XIRP2: variants seen among roughly 807,000 people sequenced by gnomAD.
XIRP2 encodes xin actin binding repeat containing 2, also known as xin actin-binding repeat-containing protein 2.
Under a neutral mutation model 277.0 loss-of-function variants are expected in XIRP2, and 236 were observed. The ratio of observed to expected loss-of-function variants is 0.85; its 90% CI spans 0.77 to 0.95. The LOEUF is 0.95. XIRP2 is among the 40% of genes least tolerant of loss of function. The pLI, the probability that XIRP2 is intolerant of heterozygous loss-of-function variation, is 0.00. For missense variants in XIRP2, 4,640 were observed against 4,157.5 expected (o/e 1.12, Z -3.19); for synonymous variants, 1,490 against 1,416.5 (o/e 1.05, Z -1.17).
intron 2 of XIRP2, among the ~76,000 whole-genome samples, chr2:167,065,405 G>T (rs1212608339): frequency 6.6e-6 from 1 of 151,654 alleles, no homozygotes; most frequent in Non-Finnish European, 1.5e-5. Context: ...ATATATACTG[G>T]ATATTAACCC....
At chr2:167,049,658 C>T (rs1688869980) in intron 2 of XIRP2, among the ~76,000 whole-genome samples, 1 of 151,954 alleles carries the variant, frequency 6.6e-6, no homozygotes, top group South Asian at 2.1e-4. Flanking sequence ...TTTTCACATC[C>T]ACGATGAAGA....
intron 2 of XIRP2, among the ~76,000 whole-genome samples, chr2:167,131,373 A>T (rs1021025587): frequency 2.6e-5 from 4 of 152,078 alleles, no homozygotes; most frequent in African/African-American, 9.7e-5. Flanking sequence ...TCTTCCTTTA[A>T]AACAAACAAA....
In XIRP2 at chr2:167,259,154, T is replaced by G; in HGVS notation, c.*1337T>G. 1 of 1,613,032 alleles carries G rather than the reference T, an allele frequency of 6.2e-7. No individual in the cohort carries two copies. On this transcript the variant is annotated 3_prime_UTR_variant, in exon 11 of 11. Coordinates refer to ENST00000409195, the MANE Select transcript of XIRP2 (RefSeq NM_152381.6). Reference sequence around the variant, plus strand: ...TGTAGATCAAATTAAAAATATGCCATGCTTGGATTTAAGGGAATTTGGAAA... The same window carrying G: ...TGTAGATCAAATTAAAAATATGCCAGGCTTGGATTTAAGGGAATTTGGAAA...
chr2:167,222,031 G>T (rs552638978), intron 5 of XIRP2, among the ~76,000 whole-genome samples: 1 of 152,142 alleles, frequency 6.6e-6, no homozygotes, highest in Non-Finnish European at 1.5e-5. Flanking sequence ...GTAACAGTTT[G>T]TCTGGGAGAT....
chr2:167,133,291 G>T (rs566146541), intron 2 of XIRP2, among the ~76,000 whole-genome samples: 1 of 152,322 alleles, frequency 6.6e-6, no homozygotes, highest in South Asian at 2.1e-4. Flanking sequence ...ATTGGAGACA[G>T]CTCAATTCAG....
chr2:166,971,672 A>G (rs955939387), intron 2 of XIRP2, among the ~76,000 whole-genome samples: 1 of 152,160 alleles, frequency 6.6e-6, no homozygotes, highest in Non-Finnish European at 1.5e-5. Flanking sequence ...AAGTCACTCT[A>G]CAAAATCAGA....
chr2:167,087,674 C>T (rs182624871), intron 2 of XIRP2, among the ~76,000 whole-genome samples: 13 of 152,330 alleles, frequency 8.5e-5, no homozygotes, highest in Admixed American at 3.9e-4. Flanking sequence ...GTCGGAAAAG[C>T]GCAGTATTTG....
chr2:166,896,926 C>T (rs1190087000), intron 1 of XIRP2, among the ~76,000 whole-genome samples: 1 of 152,080 alleles, frequency 6.6e-6, no homozygotes, highest in African/African-American at 2.4e-5. Flanking sequence ...TGTTATACTG[C>T]CTGCAGCATT....
intron 2 of XIRP2, among the ~76,000 whole-genome samples, chr2:167,099,693 A>G (rs1452874247): frequency 2.0e-5 from 3 of 152,122 alleles, no homozygotes; most frequent in Non-Finnish European, 4.4e-5. Flanking sequence ...GGAAAAGCAT[A>G]GTATCTGGGC....
intron 2 of XIRP2, among the ~76,000 whole-genome samples, chr2:167,121,344 A>G (rs1691051367): frequency 6.6e-6 from 1 of 152,166 alleles, no homozygotes; most frequent in African/African-American, 2.4e-5. Context: ...TAGATCATTC[A>G]TGCCACTCTA....
chr2:167,099,488 T>G (rs1690427980), intron 2 of XIRP2, among the ~76,000 whole-genome samples: 1 of 152,182 alleles, frequency 6.6e-6, no homozygotes, highest in Non-Finnish European at 1.5e-5. Flanking sequence ...CCTGGCTCCC[T>G]GGCTTCAGCC....
At chr2:167,208,325 G>A (rs995159416) in intron 3 of XIRP2, among the ~76,000 whole-genome samples, 8 of 151,658 alleles carry the variant, frequency 5.3e-5, no homozygotes, top group Non-Finnish European at 7.4e-5. Flanking sequence ...TTTTGAGACG[G>A]AGACGGAGTC....
chr2:166,913,993 A>G (rs554159098), intron 2 of XIRP2, among the ~76,000 whole-genome samples: 2 of 152,352 alleles, frequency 1.3e-5, no homozygotes, highest in East Asian at 1.9e-4. Flanking sequence ...TCTACTCCCC[A>G]GAGCATACAA....
At position 167,251,248 on chromosome 2, in the gene XIRP2, G is replaced by C. The variant is rs778996107; in HGVS notation, c.9856G>C (p.Asp3286His). ...AAATTCCACTGATCACATGGTGCCCGACACTGAAAGTTATGATGCAGTTGA... is the reference window on the plus strand; with the variant it reads ...AAATTCCACTGATCACATGGTGCCCCACACTGAAAGTTATGATGCAGTTGA... ...GLNSTDHMVP[D>H]TESYDAVEII... Residue 3286 changes from aspartate (D) to histidine (H), a missense_variant, in exon 9 of 11, where the codon GAC becomes CAC. Coordinates refer to ENST00000409195, the MANE Select transcript of XIRP2 (RefSeq NM_152381.6). 6.2e-7 allele frequency: 1 copy of C among 1,613,552 alleles called. No individual in the cohort carries two copies. Among genetic ancestry groups the C allele is most frequent in the South Asian group, 1.1e-5 (1 of 91,074 alleles).
intron 2 of XIRP2, among the ~76,000 whole-genome samples, chr2:167,074,249 A>G (rs1689506118): frequency 6.6e-6 from 1 of 152,102 alleles, no homozygotes; most frequent in Admixed American, 6.5e-5. Context: ...TATGTACAGT[A>G]TATATGTATA....
At chr2:167,086,762 C>A (rs1458821596) in intron 2 of XIRP2, among the ~76,000 whole-genome samples, 1 of 149,654 alleles carries the variant, frequency 6.7e-6, no homozygotes. Context: ...GCATTCTTCA[C>A]GTAGTTCTCA....
At chr2:166,934,768 C>G (rs1275087482) in intron 2 of XIRP2, among the ~76,000 whole-genome samples, 1 of 152,022 alleles carries the variant, frequency 6.6e-6, no homozygotes, top group African/African-American at 2.4e-5. Context: ...AACCCAACTC[C>G]TTGGGAGGCT....
intron 2 of XIRP2, among the ~76,000 whole-genome samples, chr2:167,086,217 G>T (rs1689937798): frequency 6.6e-6 from 1 of 152,076 alleles, no homozygotes; most frequent in South Asian, 2.1e-4. Flanking sequence ...AGTTTGGCTG[G>T]ATATGAAATT....
At chr2:166,994,806 A>G (rs922202337) in intron 2 of XIRP2, among the ~76,000 whole-genome samples, 1 of 151,568 alleles carries the variant, frequency 6.6e-6, no homozygotes, top group Non-Finnish European at 1.5e-5. Flanking sequence ...TGATGATGTC[A>G]TTAGGGGAAA....
Sources: allele counts gnomAD v4.1 joint callset (sites outside exome capture counted in the v4.1 genomes callset), GRCh38; gene constraint gnomAD v4.1.1; transcripts MANE v1.5; gene names NCBI Gene and HGNC (gene_info 2026-07-23, HGNC 2026-07-21).